MYT1L: variants seen among roughly 807,000 people sequenced by gnomAD.
MYT1L encodes myelin transcription factor 1 like, also known as myelin transcription factor 1-like protein.
Under a neutral mutation model 126.7 loss-of-function variants are expected in MYT1L, and 12 were observed. The ratio of observed to expected loss-of-function variants is 0.09; its 90% confidence interval spans 0.06 to 0.15. The LOEUF (loss-of-function observed/expected upper bound fraction) is 0.15, where lower values mean the gene tolerates loss of function less well. Ranked by LOEUF, MYT1L falls within the 10% of genes least tolerant of loss-of-function variation. MYT1L has a pLI of 1.00. For synonymous variants in MYT1L, 541 were observed against 604.2 expected (o/e 0.90, Z 1.53); for missense variants, 979 against 1,585.2 (o/e 0.62, Z 6.49).
At chr2:2,317,905 A>C (rs985132069) in intron 1 of MYT1L, among the ~76,000 whole-genome samples, 1 of 152,176 alleles carries the variant, frequency 6.6e-6, no homozygotes, top group Admixed American at 6.5e-5. Context: ...AATGCAAGCC[A>C]AAAAATTGGA....
At chr2:2,032,927 C>A (rs1213395280) in intron 4 of MYT1L, among the ~76,000 whole-genome samples, 1 of 147,520 alleles carries the variant, frequency 6.8e-6, no homozygotes, top group African/African-American at 2.5e-5. Flanking sequence ...GCCTTATACA[C>A]ACCCCTCGCC....
intron 22 of MYT1L, among the ~76,000 whole-genome samples, chr2:1,804,731 G>T (rs2035420855): frequency 6.6e-6 from 1 of 152,090 alleles, no homozygotes; most frequent in South Asian, 2.1e-4. Context: ...ATGCCTCCTG[G>T]AATTTCCTTT....
intron 2 of MYT1L, among the ~76,000 whole-genome samples, chr2:2,231,259 T>C (rs776114172): frequency 1.1e-3 from 174 of 152,316 alleles, no homozygotes; most frequent in Non-Finnish European, 2.0e-3. Context: ...CTAGTTATTC[T>C]GCCCTACCCA....
At chr2:2,040,534 C>T (rs1210889976) in intron 4 of MYT1L, among the ~76,000 whole-genome samples, 2 of 152,124 alleles carry the variant, frequency 1.3e-5, no homozygotes, top group African/African-American at 2.4e-5. Context: ...TTATCATATG[C>T]AGCTGGAAAT....
intron 9 of MYT1L, among the ~76,000 whole-genome samples, chr2:1,930,227 A>ATACC (rs1309931436): frequency 3.9e-5 from 6 of 152,154 alleles, no homozygotes; most frequent in African/African-American, 1.4e-4. Context: ...CTCTTCCTCA[A>ATACC]TACCTGTCAC....
chr2:2,094,171 C>T (rs2077189652), intron 3 of MYT1L, among the ~76,000 whole-genome samples: 1 of 152,176 alleles, frequency 6.6e-6, no homozygotes, highest in Non-Finnish European at 1.5e-5. Flanking sequence ...CTTGGCAATG[C>T]TTGTCATCAC....
At chr2:2,090,336 A>C (rs79796597) in intron 3 of MYT1L, among the ~76,000 whole-genome samples, 2 of 152,216 alleles carry the variant, frequency 1.3e-5, no homozygotes, top group African/African-American at 4.8e-5. Flanking sequence ...GAAGCTACAC[A>C]ATTTTTTCAT....
At chr2:1,829,309 A>G (rs111835024) in intron 21 of MYT1L, among the ~76,000 whole-genome samples, 67 of 126,798 alleles carry the variant, frequency 5.3e-4, no homozygotes, top group South Asian at 1.4e-3. Flanking sequence ...ACCCTCCCAT[A>G]CACCTGTGAA....
rs1317505418 is a variant in MYT1L at position 1,910,186 on chromosome 2, G to A, written c.1817+54C>T. On this transcript the variant is annotated intron_variant, in intron 13 of 24. Transcript: ENST00000647738. This position sits in a 1 kb window ranked among gnomAD's most constrained non-coding sequence, Gnocchi z 4.8. ...TGAGCGGGTGTCCCCAGCGCTCCGAGGTGTGGGGCAGACTATGGATAGAGC... is the reference window on the plus strand; with the variant it reads ...TGAGCGGGTGTCCCCAGCGCTCCGAAGTGTGGGGCAGACTATGGATAGAGC... The A allele has an allele frequency of 6.6e-6, 10 of 1,518,788 alleles. 1 individual carries two copies. The Admixed American group carries it at 1.3e-4, about 20-fold the overall frequency. 94.1% of individuals were successfully genotyped at this position (1,518,788 alleles called of 1,614,324 possible).
In MYT1L at chr2:1,952,403, G is replaced by C. The variant is rs531377417; in HGVS notation, c.153-9069C>G. Among the ~76,000 whole-genome samples the C allele has an allele frequency of 8.5e-5, 13 of 152,080 alleles. No individual in the cohort carries two copies. The East Asian group carries it at 1.6e-3, about 18-fold the overall frequency. On this transcript the variant is annotated intron_variant, in intron 8 of 24. Coordinates refer to ENST00000647738, the MANE Select transcript of MYT1L (RefSeq NM_001303052.2). ...AATAATGAGAGTAAAGGTACCTCTC[G>C]GGCTTTGACCATTTGTCAATGCATG...
intron 1 of MYT1L, among the ~76,000 whole-genome samples, chr2:2,311,842 G>T (rs1218317694): frequency 6.6e-6 from 1 of 152,174 alleles, no homozygotes; most frequent in Admixed American, 6.5e-5. Context: ...ACATAAATGA[G>T]GTAGTGTCAC....
intron 3 of MYT1L, among the ~76,000 whole-genome samples, chr2:2,114,171 G>T (rs768490885): frequency 6.6e-6 from 1 of 152,242 alleles, no homozygotes; most frequent in African/African-American, 2.4e-5. Context: ...GCAGTGGATT[G>T]TAAGTAGGCA....
chr2:1,971,022 A>C (rs929008399), intron 8 of MYT1L, among the ~76,000 whole-genome samples: 11 of 152,140 alleles, frequency 7.2e-5, no homozygotes, highest in African/African-American at 2.7e-4. Flanking sequence ...TATTTAAAAA[A>C]TATATCTCCT....
intron 3 of MYT1L, among the ~76,000 whole-genome samples, chr2:2,131,853 C>T (rs1361143394): frequency 6.6e-6 from 1 of 150,996 alleles, no homozygotes; most frequent in Non-Finnish European, 1.5e-5. Flanking sequence ...ACGTTCTCTG[C>T]AGGAGGTACA....
At chr2:2,206,836 T>A (rs2093340339) in intron 2 of MYT1L, among the ~76,000 whole-genome samples, 1 of 152,180 alleles carries the variant, frequency 6.6e-6, no homozygotes, top group South Asian at 2.1e-4. Context: ...AGAGCCACGT[T>A]TTTCATTTAT....
intron 14 of MYT1L, among the ~76,000 whole-genome samples, chr2:1,895,710 G>A (rs1347357968): frequency 6.6e-6 from 1 of 152,200 alleles, no homozygotes; most frequent in South Asian, 2.1e-4. Context: ...AGATGTAAAT[G>A]TAAGATGTCA....
intron 1 of MYT1L, chr2:2,303,451 C>G (rs1349117583): frequency 2.0e-5 from 3 of 152,426 alleles, no homozygotes; most frequent in Non-Finnish European, 4.4e-5. Flanking sequence ...CAAACATATA[C>G]AAAGACAATG....
Position 2,059,957 on chromosome 2 carries a change from C to T in MYT1L, c.-303-5834G>A, listed in dbSNP as rs193301877. ...CGGCACCCCAACCCCACCACGAGCT[C>T]GTCAGGGCAGGGGACAGAGCCCATT... On this transcript the variant is annotated intron_variant, in intron 3 of 24. Coordinates refer to ENST00000647738, the MANE Select transcript of MYT1L (RefSeq NM_001303052.2). The surrounding 1 kb of genome is among the most constrained non-coding windows in gnomAD (Gnocchi z 4.7). Among the ~76,000 whole-genome samples, 7 of 152,288 alleles carry T rather than the reference C, an allele frequency of 4.6e-5. No homozygotes were observed. The highest frequency in any genetic ancestry group is 3.3e-4 in the Admixed American group (5 of 15,300).
In MYT1L at chr2:2,240,499, A is replaced by G. The variant is rs1278093944; in HGVS notation, c.-421+43905T>C. On this transcript the variant is annotated intron_variant, in intron 2 of 24. Transcript: ENST00000647738. The stretch of plus-strand genomic sequence containing the variant: ...ATGGAGGGAATTTGGATCATTATCT[A>G]CTCTTTGTTTATTGCTACTTTGAAA... Among the ~76,000 whole-genome samples, 5 of 152,124 alleles carry G rather than the reference A, an allele frequency of 3.3e-5. No homozygotes were observed. In the East Asian group the frequency reaches 9.7e-4, roughly 29 times the overall value.
Sources: gnomAD v4.1 joint callset for allele counts (sites outside exome capture counted in the v4.1 genomes callset) on GRCh38, gnomAD v4.1.1 for gene constraint, Gnocchi (gnomAD v3.1) non-coding constraint, MANE v1.5 for transcripts, NCBI Gene and HGNC (gene_info 2026-07-23, HGNC 2026-07-21) for gene names.